Variants in MBD3 observed in about 807,000 individuals in gnomAD.
The protein encoded by MBD3 is methyl-CpG binding domain protein 3.
A neutral mutation model predicts 31.2 loss-of-function variants in MBD3; 13 were observed. The ratio of observed to expected loss-of-function variants is 0.42; its 90% CI spans 0.27 to 0.66. The LOEUF is 0.66. Ranked by LOEUF, MBD3 falls within the 30% of genes least tolerant of loss-of-function variation. The pLI is 0.26. For missense variants in MBD3, 440 were observed against 426.5 expected, an observed-to-expected ratio of 1.03 and a Z score of -0.28; for synonymous variants, 223 against 187.4, an observed-to-expected ratio of 1.19 and a Z score of -1.55.
Position 1,578,411 on chromosome 19 carries a change from C to T in MBD3, c.805G>A (p.Asp269Asn). 2 of 1,605,088 alleles carry T rather than the reference C, an allele frequency of 1.2e-6. No individual in the cohort carries two copies. Among genetic ancestry groups the T allele is most frequent in the East Asian group, 4.5e-5 (2 of 44,874 alleles). ...EAPLDKACAE[D>N]DDEEDEEEEE... Reference sequence around the variant, plus strand: ...TCCTCCTCGTCTTCCTCGTCGTCGTCCTCAGCGCAGGCCTTGTCCAGCGGC... The same window carrying T: ...TCCTCCTCGTCTTCCTCGTCGTCGTTCTCAGCGCAGGCCTTGTCCAGCGGC... The change falls in exon 6 of 7, where the codon GAC (aspartate) becomes AAC (asparagine). Residue 269 changes from aspartate (D) to asparagine (N), a missense_variant. Physicochemically the swap from Asp to Asn is conservative, Grantham distance 23 (BLOSUM62 1). Around this residue, in one of 3 missense-constraint regions of MBD3, gnomAD observed 117 missense variants for 95.0 expected, o/e 1.23. Coordinates refer to ENST00000434436, the MANE Select transcript of MBD3 (RefSeq NM_001281453.2). The surrounding 1 kb of genome is among the most constrained non-coding windows in gnomAD (Gnocchi z 6.1).
At chr19:1,589,305 T>C (rs961297433) in intron 1 of MBD3, among the ~76,000 whole-genome samples, 13 of 139,016 alleles carry the variant, frequency 9.4e-5, no homozygotes, top group Admixed American at 5.4e-4. Flanking sequence ...CACTGCAACA[T>C]TGCACTCTAG....
At chr19:1,589,983 G>C (rs543545004) in intron 1 of MBD3, among the ~76,000 whole-genome samples, 2 of 152,310 alleles carry the variant, frequency 1.3e-5, no homozygotes, top group African/African-American at 4.8e-5. Flanking sequence ...TTAGATAGCG[G>C]TGATGGTTGC....
chr19:1,579,447 G>A (rs1162823416), intron 5 of MBD3, among the ~76,000 whole-genome samples: 1 of 152,062 alleles, frequency 6.6e-6, no homozygotes, highest in Non-Finnish European at 1.5e-5. Context: ...TCTGCCTGCC[G>A]CCTCCGGGGC....
At chr19:1,591,544 C>T (rs1372890585) in intron 1 of MBD3, among the ~76,000 whole-genome samples, 1 of 152,154 alleles carries the variant, frequency 6.6e-6, no homozygotes, top group Non-Finnish European at 1.5e-5. Context: ...AAAGGGGGAC[C>T]AGCCGCACAC....
rs562518792 is a variant in MBD3, at chr19:1,573,719, C to T, written c.*4445G>A. 6.6e-6 allele frequency: 1 copy of T among 152,254 alleles called. No individual in the cohort carries two copies. Among genetic ancestry groups the T allele is most frequent in the South Asian group, 2.1e-4 (1 of 4,828 alleles). 9.4% of individuals were successfully genotyped at this position (152,254 alleles called of 1,614,324 possible). ...TGGTTATTTTGGTAACCAGAGAAGG[C>T]TAAAAATTAAAACTGTGAAAATTAA... On this transcript the variant is annotated 3_prime_UTR_variant, in exon 7 of 7. Coordinates refer to ENST00000434436, the MANE Select transcript of MBD3 (RefSeq NM_001281453.2).
intron 1 of MBD3, among the ~76,000 whole-genome samples, chr19:1,589,187 C>T (rs1330814436): frequency 3.3e-5 from 5 of 150,610 alleles, no homozygotes; most frequent in Admixed American, 1.3e-4. Context: ...CAAAAGTAGC[C>T]GGGCGTGGTG....
Position 1,592,490 on chromosome 19 carries a change from TGAG to T in MBD3, c.110+29_110+31del, listed in dbSNP as rs775998341. The T allele has an allele frequency of 4.0e-6, 5 of 1,249,348 alleles. No individual in the cohort carries two copies. The South Asian group carries it at 6.7e-5, about 17-fold the overall frequency. The allele number at this position is 1,249,348 out of a possible 1,614,324, so 77.4% of individuals were successfully genotyped here. ...GCAGAGGCCGCTGGGAGGAGCCCGT[TGAG>T]GCCCTGCGCGGCCGGCGCGCTCATT... On this transcript the variant is annotated intron_variant, in intron 1 of 6. Transcript: ENST00000434436.
intron 1 of MBD3, among the ~76,000 whole-genome samples, chr19:1,591,450 C>G (rs756087816): frequency 1.3e-5 from 2 of 152,222 alleles, no homozygotes; most frequent in Non-Finnish European, 1.5e-5. Flanking sequence ...GTGGACGGAG[C>G]GGTCGTTCTG....
chr19:1,580,793 G>A (rs1040005355), intron 5 of MBD3, among the ~76,000 whole-genome samples: 9 of 152,180 alleles, frequency 5.9e-5, no homozygotes, highest in Non-Finnish European at 1.0e-4. Context: ...CTGTCCCTCC[G>A]TCTCCAGGGC....
Position 1,578,375 on chromosome 19 carries a change from C to A in MBD3, c.841G>T (p.Glu281Ter), listed in dbSNP as rs1568272990. 1 of 1,379,606 alleles carries A rather than the reference C, an allele frequency of 7.2e-7. No homozygotes were observed. Among genetic ancestry groups the A allele is most frequent in the East Asian group, 2.8e-5 (1 of 35,514 alleles). The allele number at this position is 1,379,606 out of a possible 1,614,324, so 85.5% of individuals were successfully genotyped here. A position where few individuals can be genotyped will look rare whatever the true frequency, so the allele number is the denominator to read the frequency against. The change falls in exon 6 of 7, where the codon GAG becomes TAG. Residue 281 changes from glutamate to a stop codon, truncating the protein, a stop_gained. Coordinates refer to ENST00000434436, the MANE Select transcript of MBD3 (RefSeq NM_001281453.2). LOFTEE classifies it high-confidence loss of function. The surrounding 1 kb of genome is among the most constrained non-coding windows in gnomAD (Gnocchi z 6.1). ...TCCATCTCCGGGTCCGGGTCGGGCT[C>A]CTCCTCCTCCTCCTCCTCGTCTTCC... ...DEEDEEEEEE[E>*]PDPDPEMEHV
At chr19:1,589,140 T>C (rs922432843) in intron 1 of MBD3, among the ~76,000 whole-genome samples, 29 of 152,102 alleles carry the variant, frequency 1.9e-4, no homozygotes, top group Admixed American at 1.8e-3. Context: ...GAGACCAGCC[T>C]GACCAACATG....
intron 3 of MBD3, chr19:1,583,387 C>CAAAAAAAAAAAAAAAAAA (rs58372630): frequency 1.5e-5 from 1 of 66,454 alleles, no homozygotes; most frequent in African/African-American, 5.7e-5. Flanking sequence ...GACTCTGTCA[C>CAAAAAAAAAAAAAAAAAA]AAAAAAAAAA....
chr19:1,580,957 C>T, intron 5 of MBD3, 135 bp downstream of exon 5: 1 of 1,162,018 alleles, frequency 8.6e-7, no homozygotes. Context: ...GGTCCCCTTG[C>T]CCTGGCTGTT....
chr19:1,578,633 C>G lies in MBD3; in HGVS notation c.678-95G>C. 1.3e-6 allele frequency: 2 copies of G among 1,597,828 alleles called. No homozygotes were observed. The highest frequency in any genetic ancestry group is 2.2e-5 in the South Asian group (2 of 90,584). ...GGGGACCTCAGCTGGGAGGGGAGGC[C>G]CGAGGGATCCACAGGCACCCCCCCA... On this transcript the variant is annotated intron_variant, in intron 5 of 6. Coordinates refer to ENST00000434436, the MANE Select transcript of MBD3 (RefSeq NM_001281453.2). This position sits in a 1 kb window ranked among gnomAD's most constrained non-coding sequence, Gnocchi z 6.1.
intron 2 of MBD3, 87 bp from the exon 3 acceptor site, chr19:1,584,764 C>T: frequency 7.2e-7 from 1 of 1,381,902 alleles, no homozygotes; most frequent in Non-Finnish European, 9.8e-7. Context: ...TGACCCCCTG[C>T]TTTGCCGGCG....
intron 1 of MBD3, among the ~76,000 whole-genome samples, chr19:1,591,231 G>A (rs2060702147): frequency 1.3e-5 from 2 of 152,174 alleles, no homozygotes; most frequent in Non-Finnish European, 2.9e-5. Context: ...ACGTGTACAG[G>A]GTTCCAGCTC....
At chr19:1,586,645 A>G (rs2060680533) in intron 1 of MBD3, among the ~76,000 whole-genome samples, 2 of 149,200 alleles carry the variant, frequency 1.3e-5, no homozygotes, top group Admixed American at 1.4e-4. Context: ...AGTAGCTAGG[A>G]CGACAGGCAC....
chr19:1,584,899 G>T, intron 2 of MBD3, 156 bp downstream of exon 2: 1 of 1,197,498 alleles, frequency 8.4e-7, no homozygotes, highest in Non-Finnish European at 1.2e-6. Flanking sequence ...CTTGCGCTCT[G>T]CACCCTGTGG....
Position 1,591,005 on chromosome 19 carries a change from G to A in MBD3, c.110+1517C>T, listed in dbSNP as rs554974538. Reference sequence around the variant, plus strand: ...GCCAGGGCCCAGAGTGGGAATGAGAGAGGTGGGGTGATGACAGCCTCAGGA... The same window carrying A: ...GCCAGGGCCCAGAGTGGGAATGAGAAAGGTGGGGTGATGACAGCCTCAGGA... On this transcript the variant is annotated intron_variant, in intron 1 of 6. Transcript: ENST00000434436. Among the ~76,000 whole-genome samples, 91 of 152,366 alleles carry A rather than the reference G, an allele frequency of 6.0e-4. 2 individuals carry two copies. In the South Asian group the frequency reaches 0.019, roughly 32 times the overall value.
Sources: allele counts gnomAD v4.1 joint callset (sites outside exome capture counted in the v4.1 genomes callset), GRCh38; gene constraint gnomAD v4.1.1; regional missense constraint gnomAD v4.1.1; non-coding constraint Gnocchi (gnomAD v3.1); transcripts MANE v1.5; gene names NCBI Gene and HGNC (gene_info 2026-07-23, HGNC 2026-07-21).